Variants in TRIM2 observed in about 807,000 individuals in gnomAD.
The protein encoded by TRIM2 is tripartite motif containing 2.
Under a neutral mutation model 75.2 loss-of-function variants are expected in TRIM2, and 20 were observed. The observed-to-expected ratio is 0.27, with a 90% CI of 0.19 to 0.39. The LOEUF is 0.39. Among genes scored for constraint, TRIM2 ranks in the 10% least tolerant of loss-of-function variants. TRIM2 has a pLI of 1.00. For synonymous variants in TRIM2, 373 were observed against 388.3 expected (o/e 0.96, Z 0.46); for missense variants, 660 against 990.8 (o/e 0.67, Z 4.48).
chr4:153,221,022 A>G (rs1290179812), intron 1 of TRIM2, among the ~76,000 whole-genome samples: 2 of 152,194 alleles, frequency 1.3e-5, no homozygotes, highest in Non-Finnish European at 1.5e-5. Context: ...ATATATGTCA[A>G]CTCAAAAACT....
chr4:153,265,250 A>G (rs1754650493), intron 1 of TRIM2, among the ~76,000 whole-genome samples: 1 of 151,862 alleles, frequency 6.6e-6, no homozygotes, highest in Non-Finnish European at 1.5e-5. Flanking sequence ...AAAGGGTACT[A>G]TGAAAAATTT....
chr4:153,262,897 G>A (rs764945120), intron 1 of TRIM2, among the ~76,000 whole-genome samples: 1 of 152,204 alleles, frequency 6.6e-6, no homozygotes, highest in Non-Finnish European at 1.5e-5. Flanking sequence ...TATGCCAGAT[G>A]TTTCTCACTG....
chr4:153,203,179 T>C (rs1734614035), upstream of TRIM2, among the ~76,000 whole-genome samples: 2 of 151,700 alleles, frequency 1.3e-5, no homozygotes, highest in Admixed American at 1.3e-4. Context: ...CTCTCCTGCC[T>C]TCTTCCAAAT....
upstream of TRIM2, among the ~76,000 whole-genome samples, chr4:153,203,560 C>T (rs1453154794): frequency 6.6e-6 from 1 of 150,646 alleles, no homozygotes; most frequent in Non-Finnish European, 1.5e-5. Flanking sequence ...TGCACTCCAG[C>T]CTGGTCAACA....
At chr4:153,166,450 A>G (rs1204443554) in intron 1 of TRIM2, among the ~76,000 whole-genome samples, 7 of 152,234 alleles carry the variant, frequency 4.6e-5, no homozygotes, top group Admixed American at 4.6e-4. Flanking sequence ...GGGTGATCCC[A>G]AAAGGCAGTG....
intron 1 of TRIM2, among the ~76,000 whole-genome samples, chr4:153,263,039 T>C (rs571298093): frequency 2.2e-4 from 34 of 152,322 alleles, no homozygotes; most frequent in African/African-American, 7.2e-4. Context: ...CATTAGACTA[T>C]CACATGGGAG....
intron 2 of TRIM2, among the ~76,000 whole-genome samples, chr4:153,273,640 T>G (rs1445661248): frequency 6.6e-6 from 1 of 151,870 alleles, no homozygotes; most frequent in African/African-American, 2.4e-5. Context: ...ATCAAAAGGC[T>G]TGAAGGAGAG....
At chr4:153,325,401 A>G (rs1289124594) in intron 10 of TRIM2, among the ~76,000 whole-genome samples, 2 of 152,210 alleles carry the variant, frequency 1.3e-5, no homozygotes, top group African/African-American at 2.4e-5. Flanking sequence ...AATGCAGATA[A>G]TCTGCATTCT....
chr4:153,297,191 G>A (rs965558978), intron 6 of TRIM2, among the ~76,000 whole-genome samples: 3 of 152,082 alleles, frequency 2.0e-5, no homozygotes, highest in Non-Finnish European at 4.4e-5. Flanking sequence ...CTGAATCTTC[G>A]CAAAGACGGT....
intron 1 of TRIM2, among the ~76,000 whole-genome samples, chr4:153,175,390 G>C (rs1731321718): frequency 6.6e-6 from 1 of 152,020 alleles, no homozygotes; most frequent in Non-Finnish European, 1.5e-5. Flanking sequence ...TGCACAGCCG[G>C]ATATTCCCTA....
At chr4:153,283,371 G>C (rs1392638938) in intron 3 of TRIM2, among the ~76,000 whole-genome samples, 1 of 152,114 alleles carries the variant, frequency 6.6e-6, no homozygotes, top group Admixed American at 6.6e-5. Context: ...GTTCATCCAT[G>C]TTATGGTATA....
chr4:153,319,782 T>TG lies in TRIM2; in HGVS notation c.1783-2862dup, dbSNP rs573482689. On this transcript the variant is annotated intron_variant, in intron 8 of 11. Transcript: ENST00000338700. ...TTGTTGTTTACTATTCTGTTTAAGA[T>TG]GGGGTTGACACAATCAGGGAAATGC... 7.6e-3 allele frequency among the ~76,000 whole-genome samples: 1,163 copies of TG among 152,110 alleles called. 4 individuals carry two copies. The highest frequency in any genetic ancestry group is 0.012 in the Non-Finnish European group (828 of 68,006).
At position 153,337,492 on chromosome 4, in the gene TRIM2, C is replaced by T. The variant is rs1009879984; in HGVS notation, c.*2526C>T. The T allele has an allele frequency of 1.8e-5, 18 of 985,598 alleles. No homozygotes were observed. Among genetic ancestry groups the T allele is most frequent in the Non-Finnish European group, 2.2e-5 (18 of 829,924 alleles). The allele number at this position is 985,598 out of a possible 1,614,324, so 61.1% of individuals were successfully genotyped here. A position where few individuals can be genotyped will look rare whatever the true frequency, so the allele number is the denominator to read the frequency against. On this transcript the variant is annotated 3_prime_UTR_variant, in exon 12 of 12. Coordinates refer to ENST00000338700, the MANE Select transcript of TRIM2 (RefSeq NM_015271.5). ...TGCTAAAACACATGCTATGAGCACT[C>T]CAGGAAACACTATATTTTTTCCAAA...
chr4:153,249,444 G>A (rs958178323), intron 1 of TRIM2, among the ~76,000 whole-genome samples: 4 of 152,262 alleles, frequency 2.6e-5, no homozygotes, highest in Non-Finnish European at 4.4e-5. Flanking sequence ...GAATCGTAGA[G>A]GTCGGGTGAT....
At chr4:153,155,679 C>T (rs966502757) in intron 1 of TRIM2, among the ~76,000 whole-genome samples, 6 of 152,096 alleles carry the variant, frequency 3.9e-5, no homozygotes, top group Non-Finnish European at 7.4e-5. Flanking sequence ...GTTCATGGCC[C>T]CAGCCCAGCC....
chr4:153,264,452 A>G (rs538141646), intron 1 of TRIM2, among the ~76,000 whole-genome samples: 1 of 152,330 alleles, frequency 6.6e-6, no homozygotes, highest in Non-Finnish European at 1.5e-5. Context: ...TCCAGCATAT[A>G]GAAGAGCAGT....
chr4:153,262,176 A>T (rs921209692), intron 1 of TRIM2, among the ~76,000 whole-genome samples: 1 of 152,210 alleles, frequency 6.6e-6, no homozygotes, highest in African/African-American at 2.4e-5. Flanking sequence ...ATTTACCAAG[A>T]CAACAGTATT....
intron 1 of TRIM2, among the ~76,000 whole-genome samples, chr4:153,211,729 C>T (rs1737077808): frequency 6.6e-6 from 1 of 151,988 alleles, no homozygotes; most frequent in Non-Finnish European, 1.5e-5. Flanking sequence ...GGCCCAAATA[C>T]TCTGCCCACC....
chr4:153,307,863 A>C, intron 6 of TRIM2: 1 of 740,954 alleles, frequency 1.3e-6, no homozygotes, highest in East Asian at 2.5e-5. Flanking sequence ...CCTAATTTTC[A>C]ACATGTCCAC....
Sources: gnomAD v4.1 joint callset for allele counts (sites outside exome capture counted in the v4.1 genomes callset) on GRCh38, gnomAD v4.1.1 for gene constraint, MANE v1.5 for transcripts, NCBI Gene and HGNC (gene_info 2026-07-23, HGNC 2026-07-21) for gene names.